TRIM44: variants seen among roughly 807,000 people sequenced by gnomAD.
TRIM44 encodes tripartite motif containing 44, also known as tripartite motif-containing protein 44.
In TRIM44, 13 loss-of-function variants were observed where a neutral mutation model predicts 37.4. The observed-to-expected ratio is 0.35, with a 90% CI of 0.23 to 0.55. The LOEUF (loss-of-function observed/expected upper bound fraction) is 0.55, where lower values mean the gene tolerates loss of function less well. Ranked by LOEUF, TRIM44 falls within the 20% of genes least tolerant of loss-of-function variation. TRIM44 has a pLI of 0.89. For missense variants in TRIM44, 426 were observed against 437.2 expected, an observed-to-expected ratio of 0.97 and a Z score of 0.23; for synonymous variants, 175 against 157.2, an observed-to-expected ratio of 1.11 and a Z score of -0.85.
At chr11:35,778,162 C>T (rs1002186564) in intron 4 of TRIM44, among the ~76,000 whole-genome samples, 13 of 152,124 alleles carry the variant, frequency 8.5e-5, no homozygotes, top group African/African-American at 2.7e-4. Context: ...TTTCTTTTTA[C>T]TCTTTTTTCT....
intron 1 of TRIM44, among the ~76,000 whole-genome samples, chr11:35,674,954 G>T (rs759240257): frequency 6.6e-6 from 1 of 152,206 alleles, no homozygotes; most frequent in Non-Finnish European, 1.5e-5. Flanking sequence ...TGAAAGATGG[G>T]TAGGGTGTTA....
intron 2 of TRIM44, among the ~76,000 whole-genome samples, chr11:35,702,973 C>T (rs553547786): frequency 3.2e-4 from 49 of 152,312 alleles, no homozygotes; most frequent in Admixed American, 5.9e-4. Flanking sequence ...ACTTGGGAAG[C>T]GCAAGGGGTC....
intron 1 of TRIM44, among the ~76,000 whole-genome samples, chr11:35,682,908 C>T (rs1181346341): frequency 6.6e-6 from 1 of 152,098 alleles, no homozygotes; most frequent in Non-Finnish European, 1.5e-5. Flanking sequence ...GCATTCCTTT[C>T]TGTTCTCTAG....
chr11:35,664,781 C>T (rs1851313427), intron 1 of TRIM44, among the ~76,000 whole-genome samples: 2 of 152,152 alleles, frequency 1.3e-5, no homozygotes, highest in South Asian at 2.1e-4. Flanking sequence ...AGGTAGTCTC[C>T]ATCCAGATTA....
rs1554940372 is a variant in TRIM44 at position 35,808,207 on chromosome 11, T to TTAAAAAA, written c.*1822_*1823insTAAAAAA. On this transcript the variant is annotated 3_prime_UTR_variant, in exon 5 of 5. Coordinates refer to ENST00000299413, the MANE Select transcript of TRIM44 (RefSeq NM_017583.6). ...TGGGGCTGAGGGGAGTTTGAGGTGT[T>TTAAAAAA]AAAAAAAAAAAAAAAAAAGCATTTT... The TTAAAAAA allele has an allele frequency of 1.3e-4, 11 of 87,974 alleles. No homozygotes were observed. Among genetic ancestry groups the TTAAAAAA allele is most frequent in the African/African-American group, 4.3e-4 (10 of 23,194 alleles). The allele number at this position is 87,974 out of a possible 1,614,324, so 5.4% of individuals were successfully genotyped here. A position where few individuals can be genotyped will look rare whatever the true frequency, so the allele number is the denominator to read the frequency against.
chr11:35,726,203 A>G (rs1166717634), intron 3 of TRIM44, 40 bp downstream of exon 3: 1 of 1,604,100 alleles, frequency 6.2e-7, no homozygotes, highest in South Asian at 1.1e-5. Context: ...CAAGAGAAAT[A>G]GGAGGAAACT....
At chr11:35,670,062 A>T (rs1001486206) in intron 1 of TRIM44, among the ~76,000 whole-genome samples, 1 of 152,054 alleles carries the variant, frequency 6.6e-6, no homozygotes, top group African/African-American at 2.4e-5. Flanking sequence ...ACCTCAAATG[A>T]TCTACCCGCC....
At chr11:35,801,754 G>T (rs1418202819) in intron 4 of TRIM44, among the ~76,000 whole-genome samples, 1 of 152,124 alleles carries the variant, frequency 6.6e-6, no homozygotes, top group East Asian at 1.9e-4. Flanking sequence ...TTACTGGAAT[G>T]CCTTAGTCTC....
intron 4 of TRIM44, among the ~76,000 whole-genome samples, chr11:35,751,032 C>T (rs1228179508): frequency 3.8e-4 from 57 of 151,772 alleles, no homozygotes; most frequent in Non-Finnish European, 7.4e-5. Context: ...GATTTTTTTC[C>T]TATTTTTAGT....
intron 2 of TRIM44, among the ~76,000 whole-genome samples, chr11:35,706,623 A>C (rs957078412): frequency 1.4e-4 from 22 of 152,182 alleles, no homozygotes; most frequent in African/African-American, 5.3e-4. Context: ...CAAATCAATA[A>C]ATGTAATCTA....
intron 2 of TRIM44, among the ~76,000 whole-genome samples, chr11:35,689,601 C>T (rs965829181): frequency 6.6e-6 from 1 of 152,002 alleles, no homozygotes. Flanking sequence ...TTATGGTAGG[C>T]TTTAGGGAAA....
intron 1 of TRIM44, among the ~76,000 whole-genome samples, chr11:35,665,963 AAAG>A (rs1488679294): frequency 5.9e-5 from 9 of 151,704 alleles, no homozygotes; most frequent in African/African-American, 2.2e-4. Context: ...TTTTCTTTTT[AAAG>A]AAGTTGTGCC....
chr11:35,791,693 G>A (rs1014517945), intron 4 of TRIM44, among the ~76,000 whole-genome samples: 9 of 152,072 alleles, frequency 5.9e-5, no homozygotes, highest in Non-Finnish European at 7.4e-5. Flanking sequence ...CCCGCTCCTT[G>A]CCCCGTTGTC....
chr11:35,706,087 C>T (rs1258714397), intron 2 of TRIM44, among the ~76,000 whole-genome samples: 7 of 148,908 alleles, frequency 4.7e-5, no homozygotes, highest in African/African-American at 1.5e-4. Flanking sequence ...GATATCACCA[C>T]CGATCCCACA....
At chr11:35,764,852 T>C (rs1852773108) in intron 4 of TRIM44, among the ~76,000 whole-genome samples, 1 of 152,162 alleles carries the variant, frequency 6.6e-6, no homozygotes, top group African/African-American at 2.4e-5. Context: ...GTTAAATGAT[T>C]ACTTTGACTT....
chr11:35,746,934 A>G (rs1472627265), intron 4 of TRIM44, among the ~76,000 whole-genome samples: 1 of 152,168 alleles, frequency 6.6e-6, no homozygotes, highest in Non-Finnish European at 1.5e-5. Flanking sequence ...ATGGAAAGGC[A>G]TTTTGTTTTC....
intron 4 of TRIM44, among the ~76,000 whole-genome samples, chr11:35,784,116 GAAGAT>G (rs1853098975): frequency 1.3e-5 from 2 of 152,176 alleles, no homozygotes; most frequent in African/African-American, 4.8e-5. Flanking sequence ...TCATGACGTA[GAAGAT>G]AATAGTCAAA....
At chr11:35,721,461 A>T (rs979027973) in intron 2 of TRIM44, among the ~76,000 whole-genome samples, 6 of 152,214 alleles carry the variant, frequency 3.9e-5, no homozygotes, top group Admixed American at 1.3e-4. Context: ...AAATACCATT[A>T]TATTATTTCA....
At chr11:35,710,254 G>T (rs3110369) in intron 2 of TRIM44, among the ~76,000 whole-genome samples, 5,141 of 152,136 alleles carry the variant, frequency 0.034, 180 homozygotes, top group African/African-American at 0.087. Flanking sequence ...TATATATATA[G>T]AGAGAGAGCT....
Sources: allele counts gnomAD v4.1 joint callset (sites outside exome capture counted in the v4.1 genomes callset), GRCh38; gene constraint gnomAD v4.1.1; transcripts MANE v1.5; gene names NCBI Gene and HGNC (gene_info 2026-07-23, HGNC 2026-07-21).